SLC44A3: variants seen among roughly 807,000 people sequenced by gnomAD.
The protein encoded by SLC44A3 is choline transporter-like protein 3.
In SLC44A3, 74 loss-of-function variants were observed where a neutral mutation model predicts 75.4. The observed-to-expected ratio is 0.98, with a 90% CI of 0.81 to 1.19. SLC44A3 has a LOEUF of 1.19. Ranked by LOEUF, SLC44A3 falls within the 50% of genes most tolerant of loss-of-function variation. The pLI is 0.00. For missense variants in SLC44A3, 700 were observed against 778.6 expected (o/e 0.90, Z 1.20); for synonymous variants, 310 against 296.9 (o/e 1.04, Z -0.45).
rs188167792 is a variant in SLC44A3 at position 94,881,804 on chromosome 1, A to G, written c.1483-9326A>G. 6.1e-3 allele frequency among the ~76,000 whole-genome samples: 925 copies of G among 150,828 alleles called. 6 individuals are homozygous for G. Among genetic ancestry groups the G allele is most frequent in the Non-Finnish European group, 8.7e-3 (592 of 67,788 alleles). On this transcript the variant is annotated intron_variant, in intron 12 of 14. Transcript: ENST00000271227. ...TGAGGCGGGTGGATCACAGGTCAAG[A>G]GATCGAGACCATCCTGGCCAACATG...
intron 9 of SLC44A3, among the ~76,000 whole-genome samples, chr1:94,847,047 C>T (rs34773231): frequency 0.037 from 5,621 of 152,288 alleles, 150 homozygotes; most frequent in Non-Finnish European, 0.051. Flanking sequence ...CCTGGAAGCT[C>T]GCTGAAGGCC....
rs150880125 is a variant in SLC44A3, at chr1:94,857,450, G to C, written c.1188G>C (p.Ala396=). 1.9e-6 allele frequency: 3 copies of C among 1,613,902 alleles called. No individual in the cohort carries two copies. Among genetic ancestry groups the C allele is most frequent in the East Asian group, 2.2e-5 (1 of 44,866 alleles). The change falls in exon 10 of 15, where the codon GCG becomes GCC. Residue 396 remains alanine (A), a synonymous_variant. Transcript: ENST00000271227. ...GLIWTSEFIL[A]CQQMTIAGAV... is the part of the protein sequence containing the mutation. ...TCTGGACTAGTGAATTCATCCTTGC[G>C]TGCCAGCAAATGACTATAGCTGGGG...
chr1:94,846,744 C>T (rs1557833435), intron 9 of SLC44A3, among the ~76,000 whole-genome samples: 1 of 152,256 alleles, frequency 6.6e-6, no homozygotes, highest in Non-Finnish European at 1.5e-5. Flanking sequence ...AAGTGGCTTC[C>T]TGATACTGTC....
intron 2 of SLC44A3, among the ~76,000 whole-genome samples, chr1:94,822,893 T>C (rs1411357762): frequency 1.3e-5 from 2 of 152,186 alleles, no homozygotes; most frequent in Non-Finnish European, 2.9e-5. Flanking sequence ...ATTAGGACAA[T>C]GAAGGTTTAT....
chr1:94,847,666 C>G (rs1265054651), intron 9 of SLC44A3, among the ~76,000 whole-genome samples: 2 of 152,146 alleles, frequency 1.3e-5, no homozygotes, highest in Non-Finnish European at 2.9e-5. Flanking sequence ...GGAAACAAGC[C>G]TTTGTTGAAA....
At chr1:94,824,471 C>T in intron 2 of SLC44A3, 22 bp from the exon 3 acceptor site, 2 of 1,579,482 alleles carry the variant, frequency 1.3e-6, no homozygotes, top group Non-Finnish European at 1.7e-6. Flanking sequence ...GCCAGGCTCT[C>T]ATATGCCCCC....
At chr1:94,840,088 T>G (rs1340783965) in intron 7 of SLC44A3, 51 bp downstream of exon 7, 1 of 1,480,248 alleles carries the variant, frequency 6.8e-7, no homozygotes, top group African/African-American at 1.4e-5. Flanking sequence ...TGAAAAGCCT[T>G]TACATTAAGT....
At chr1:94,841,978 C>A in intron 7 of SLC44A3, 22 bp from the exon 8 acceptor site, 1 of 1,600,648 alleles carries the variant, frequency 6.2e-7, no homozygotes, top group Non-Finnish European at 8.5e-7. Flanking sequence ...GCCCTGAGCT[C>A]TGCTACTGTT....
Position 94,892,323 on chromosome 1 carries a change from T to A in SLC44A3, c.1663T>A (p.Phe555Ile). The A allele has an allele frequency of 6.2e-7, 1 of 1,614,202 alleles. No individual in the cohort carries two copies. Among genetic ancestry groups the A allele is most frequent in the South Asian group, 1.1e-5 (1 of 91,086 alleles). The change falls in exon 14 of 15, where the codon TTT becomes ATT. Residue 555 changes from phenylalanine (F) to isoleucine (I), a missense_variant. Transcript: ENST00000271227. Reference sequence around the variant, plus strand: ...CACTGTTTTTGGAGGACTCATGGCTTTTAACTACAATCGGGCATTCCAGGT... The same window carrying A: ...CACTGTTTTTGGAGGACTCATGGCTATTAACTACAATCGGGCATTCCAGGT... ...CFTVFGGLMAFNYNRAFQVWA... is the reference protein window; with the variant it reads ...CFTVFGGLMAINYNRAFQVWA...
At chr1:94,884,162 C>T (rs1472059985) in intron 12 of SLC44A3, among the ~76,000 whole-genome samples, 1 of 152,220 alleles carries the variant, frequency 6.6e-6, no homozygotes, top group Non-Finnish European at 1.5e-5. Flanking sequence ...CATGTTTGTC[C>T]TTCCTTCTTC....
At chr1:94,840,842 T>C (rs1663531454) in intron 7 of SLC44A3, among the ~76,000 whole-genome samples, 1 of 152,148 alleles carries the variant, frequency 6.6e-6, no homozygotes, top group South Asian at 2.1e-4. Flanking sequence ...TGCCCATATT[T>C]CCCTCCCGGT....
intron 12 of SLC44A3, among the ~76,000 whole-genome samples, chr1:94,871,811 G>C (rs1383449836): frequency 6.6e-6 from 1 of 152,190 alleles, no homozygotes; most frequent in Non-Finnish European, 1.5e-5. Flanking sequence ...ATAAAGTAAA[G>C]CGTGTGTTAT....
At chr1:94,832,178 A>G (rs1386534897) in intron 5 of SLC44A3, among the ~76,000 whole-genome samples, 7 of 151,940 alleles carry the variant, frequency 4.6e-5, no homozygotes, top group Admixed American at 3.3e-4. Flanking sequence ...AAAAAAAAAG[A>G]TGCATCCCTA....
At chr1:94,859,423 G>T (rs2101321023) in intron 10 of SLC44A3, among the ~76,000 whole-genome samples, 1 of 151,246 alleles carries the variant, frequency 6.6e-6, no homozygotes, top group East Asian at 2.0e-4. Flanking sequence ...CCAAAGAGAG[G>T]GAGGTGGAGC....
At chr1:94,867,214 C>G (rs976796775) in intron 11 of SLC44A3, 117 bp from the exon 12 acceptor site, 1 of 745,778 alleles carries the variant, frequency 1.3e-6, no homozygotes, top group South Asian at 2.2e-5. Flanking sequence ...ACTTCTCCCA[C>G]GCCACCAGTG....
chr1:94,851,488 G>A (rs1665209802), intron 9 of SLC44A3, among the ~76,000 whole-genome samples: 1 of 152,184 alleles, frequency 6.6e-6, no homozygotes, highest in Non-Finnish European at 1.5e-5. Flanking sequence ...TCCCACAAGA[G>A]GAAGAACACG....
chr1:94,885,184 C>A (rs919241999), intron 12 of SLC44A3, among the ~76,000 whole-genome samples: 1 of 131,706 alleles, frequency 7.6e-6, no homozygotes, highest in Admixed American at 9.3e-5. Context: ...ACAATCGCGC[C>A]ATTGCACTTT....
chr1:94,888,641 CTT>C (rs370440327), intron 12 of SLC44A3: 75 of 806,880 alleles, frequency 9.3e-5, no homozygotes, highest in Non-Finnish European at 9.7e-5. Flanking sequence ...GTGGAACTTT[CTT>C]TTTTTTTTTT....
chr1:94,851,131 C>T (rs949457050), intron 9 of SLC44A3, among the ~76,000 whole-genome samples: 2 of 152,136 alleles, frequency 1.3e-5, no homozygotes, highest in Non-Finnish European at 2.9e-5. Flanking sequence ...CAACTCTCCC[C>T]CTAAACTGCT....
Sources: allele counts gnomAD v4.1 joint callset (sites outside exome capture counted in the v4.1 genomes callset), GRCh38; gene constraint gnomAD v4.1.1; transcripts MANE v1.5; gene names NCBI Gene and HGNC (gene_info 2026-07-23, HGNC 2026-07-21).